ANGPT1: variants seen among roughly 807,000 people sequenced by gnomAD.
ANGPT1 encodes the protein angiopoietin 1.
In ANGPT1, 17 loss-of-function variants were observed where a neutral mutation model predicts 62.2. That is an observed-to-expected ratio of 0.27 (90% confidence interval 0.19 to 0.41). The LOEUF (loss-of-function observed/expected upper bound fraction) is 0.41. ANGPT1 is among the 10% of genes least tolerant of loss of function. The pLI is 1.00. For missense variants in ANGPT1, 478 were observed against 594.9 expected (o/e 0.80, Z 2.04); for synonymous variants, 199 against 198.9 (o/e 1.00, Z 0.00).
At chr8:107,331,913 T>C (rs2130102693) in intron 3 of ANGPT1, among the ~76,000 whole-genome samples, 1 of 152,250 alleles carries the variant, frequency 6.6e-6, no homozygotes, top group Middle Eastern at 3.4e-3. Flanking sequence ...TCCCTTCCTG[T>C]ATACCCTGGT....
At chr8:107,421,070 T>C (rs907738473) in intron 1 of ANGPT1, among the ~76,000 whole-genome samples, 2 of 152,194 alleles carry the variant, frequency 1.3e-5, no homozygotes, top group Non-Finnish European at 2.9e-5. Context: ...CCATAAATTC[T>C]GGCATTTCTA....
chr8:107,448,946 A>T (rs542296531), intron 1 of ANGPT1, among the ~76,000 whole-genome samples: 1 of 152,162 alleles, frequency 6.6e-6, no homozygotes, highest in African/African-American at 2.4e-5. Flanking sequence ...TTCTTATGAG[A>T]GGGTTCACAG....
chr8:107,484,209 A>T (rs1812757507), intron 1 of ANGPT1, among the ~76,000 whole-genome samples: 1 of 152,320 alleles, frequency 6.6e-6, no homozygotes, highest in Admixed American at 6.5e-5. Context: ...CACTCAGAGT[A>T]TGGGTTCAAA....
chr8:107,435,900 C>CTGAT (rs1411374336), intron 1 of ANGPT1, among the ~76,000 whole-genome samples: 1 of 152,052 alleles, frequency 6.6e-6, no homozygotes, highest in African/African-American at 2.4e-5. Flanking sequence ...TACAATTTTA[C>CTGAT]TGATTGATTG....
chr8:107,264,384 C>G (rs1408613360), intron 7 of ANGPT1, 33 bp from the exon 8 acceptor site: 2 of 1,604,164 alleles, frequency 1.2e-6, no homozygotes, highest in Non-Finnish European at 1.7e-6. Flanking sequence ...GAAAGATAAG[C>G]CATTCGACAG....
intron 1 of ANGPT1, among the ~76,000 whole-genome samples, chr8:107,473,728 G>C (rs1458565825): frequency 6.6e-6 from 1 of 151,980 alleles, no homozygotes; most frequent in Non-Finnish European, 1.5e-5. Context: ...CTGCCCGATA[G>C]TATTGTACTG....
At position 107,264,978 on chromosome 8, in the gene ANGPT1, C is replaced by G. The variant is rs190984841; in HGVS notation, c.1206-627G>C. 6.6e-5 allele frequency among the ~76,000 whole-genome samples: 10 copies of G among 152,194 alleles called. No individual in the cohort carries two copies. In the East Asian group the frequency reaches 1.9e-3, roughly 29 times the overall value. Reference sequence around the variant, plus strand: ...TATTTGCTGAGCACAAACTACATACCAGTTATTGATCTAGGCACTTAAGAT... The same window carrying G: ...TATTTGCTGAGCACAAACTACATACGAGTTATTGATCTAGGCACTTAAGAT... On this transcript the variant is annotated intron_variant, in intron 7 of 8. Transcript: ENST00000517746.
At chr8:107,321,368 A>T (rs1464390388) in intron 4 of ANGPT1, among the ~76,000 whole-genome samples, 1 of 152,184 alleles carries the variant, frequency 6.6e-6, no homozygotes, top group African/African-American at 2.4e-5. Flanking sequence ...TGATCTTAAT[A>T]AACATTTTTA....
At chr8:107,366,426 C>T (rs1476235066) in intron 1 of ANGPT1, among the ~76,000 whole-genome samples, 1 of 152,138 alleles carries the variant, frequency 6.6e-6, no homozygotes, top group African/African-American at 2.4e-5. Context: ...TAAATTAGCA[C>T]AAAAGTATCT....
chr8:107,497,366 T>C lies in ANGPT1; in HGVS notation c.193A>G (p.Asn65Asp). 1 of 1,614,146 alleles carries C rather than the reference T, an allele frequency of 6.2e-7. No individual in the cohort carries two copies. The highest frequency in any genetic ancestry group is 8.5e-7 in the Non-Finnish European group (1 of 1,180,014). Reference protein sequence around the residue: ...RESTTDQYNTNALQRDAPHVE... With the variant: ...RESTTDQYNTDALQRDAPHVE... The stretch of plus-strand genomic sequence containing the variant: ...TGTGGAGCATCTCTCTGCAGAGCGT[T>C]TGTGTTGTACTGGTCTGTCGTACTC... The change falls in exon 1 of 9, where the codon AAC becomes GAC. Residue 65 changes from asparagine to aspartate, a missense_variant. Transcript: ENST00000517746.
chr8:107,317,925 C>A (rs1815058257), intron 4 of ANGPT1, among the ~76,000 whole-genome samples: 2 of 152,218 alleles, frequency 1.3e-5, no homozygotes, highest in Admixed American at 1.3e-4. Context: ...GCCACCGCGC[C>A]TGGCCAACTA....
At chr8:107,300,339 A>T (rs1388190776) in intron 5 of ANGPT1, among the ~76,000 whole-genome samples, 3 of 151,438 alleles carry the variant, frequency 2.0e-5, no homozygotes, top group Non-Finnish European at 4.4e-5. Context: ...TAAACACTAA[A>T]TTTTTTACCT....
At chr8:107,421,840 G>A (rs573674198) in intron 1 of ANGPT1, among the ~76,000 whole-genome samples, 10 of 152,312 alleles carry the variant, frequency 6.6e-5, no homozygotes, top group African/African-American at 2.4e-4. Context: ...ATAGAAAACA[G>A]TGAGTTTTCT....
At chr8:107,258,398 A>G (rs1293770549) in intron 8 of ANGPT1, among the ~76,000 whole-genome samples, 1 of 152,202 alleles carries the variant, frequency 6.6e-6, no homozygotes, top group Non-Finnish European at 1.5e-5. Context: ...TATTAAATAT[A>G]AATCATTTAG....
intron 1 of ANGPT1, among the ~76,000 whole-genome samples, chr8:107,430,653 G>A (rs1811160543): frequency 6.6e-6 from 1 of 152,180 alleles, no homozygotes; most frequent in African/African-American, 2.4e-5. Flanking sequence ...AGCAGGAGTA[G>A]TAAAAGATGT....
rs777698252 is a variant in ANGPT1 at position 107,264,333 on chromosome 8, G to A, written c.1224C>T (p.His408=). The A allele has an allele frequency of 1.2e-5, 19 of 1,613,540 alleles. No individual in the cohort carries two copies. Among genetic ancestry groups the A allele is most frequent in the Non-Finnish European group, 1.6e-5 (19 of 1,179,832 alleles). The change falls in exon 8 of 9, where the codon CAC becomes CAT. Residue 408 remains histidine (H), a synonymous_variant. Transcript: ENST00000517746. ...KQNYRLYLKG[H]TGTAGKQSSL... The stretch of plus-strand genomic sequence containing the variant: ...TGCTCTGTTTTCCTGCTGTCCCAGT[G>A]TGACCTTTTAAATACAACCTGAAGT...
rs371566835 is a variant in ANGPT1 at position 107,453,632 on chromosome 8, G to A, written c.297+43630C>T. Among the ~76,000 whole-genome samples, 11 of 152,102 alleles carry A rather than the reference G, an allele frequency of 7.2e-5. No individual in the cohort carries two copies. The South Asian group carries it at 1.7e-3, about 23-fold the overall frequency. On this transcript the variant is annotated intron_variant, in intron 1 of 8. Coordinates refer to ENST00000517746, the MANE Select transcript of ANGPT1 (RefSeq NM_001146.5). The stretch of plus-strand genomic sequence containing the variant: ...GAATTCAAGAAGAGATTTGGGTGGG[G>A]ACACAGCCAAACCATATCAAAGTTT...
At chr8:107,332,918 A>G (rs1056187648) in intron 3 of ANGPT1, among the ~76,000 whole-genome samples, 2 of 152,248 alleles carry the variant, frequency 1.3e-5, no homozygotes, top group African/African-American at 4.8e-5. Flanking sequence ...TAAGATTCAT[A>G]TAAGGAATAA....
rs1479538998 is a variant in ANGPT1 at position 107,346,938 on chromosome 8, G to A, written c.453+4C>T. 1.2e-6 allele frequency: 2 copies of A among 1,608,778 alleles called. No individual in the cohort carries two copies. Among genetic ancestry groups the A allele is most frequent in the Non-Finnish European group, 8.5e-7 (1 of 1,177,544 alleles). ...AGTCTGTGGACTCTGGCCCTGGGGT[G>A]TACCTGGGTCTCAACATCTGTCAGC... On this transcript the variant is annotated splice_donor_region_variant and intron_variant, in intron 2 of 8. Coordinates refer to ENST00000517746, the MANE Select transcript of ANGPT1 (RefSeq NM_001146.5).
Sources: allele counts gnomAD v4.1 joint callset (sites outside exome capture counted in the v4.1 genomes callset), GRCh38; gene constraint gnomAD v4.1.1; transcripts MANE v1.5; gene names NCBI Gene and HGNC (gene_info 2026-07-23, HGNC 2026-07-21).